Variants in NUP62CL observed in about 807,000 individuals in gnomAD.
NUP62CL encodes nucleoporin-62 C-terminal-like protein.
Under a neutral mutation model 15.3 loss-of-function variants are expected in NUP62CL, and 13 were observed. That is an observed-to-expected ratio of 0.85 (90% confidence interval 0.55 to 1.35). NUP62CL has a LOEUF of 1.35. Ranked by LOEUF, NUP62CL falls within the 40% of genes most tolerant of loss-of-function variation. NUP62CL has a pLI of 0.00. For missense variants in NUP62CL, 123 were observed against 130.6 expected (o/e 0.94, Z 0.28); for synonymous variants, 54 against 49.2 (o/e 1.10, Z -0.41).
intron 8 of NUP62CL, among the ~76,000 whole-genome samples, chrX:107,138,086 A>T (rs1925682517): frequency 9.0e-6 from 1 of 111,717 alleles, no homozygotes; most frequent in African/African-American, 3.3e-5. Context: ...TACTTTTTCA[A>T]AAATGGTGCT....
At chrX:107,176,242 G>C (rs1480471817) in intron 2 of NUP62CL, among the ~76,000 whole-genome samples, 2 of 111,458 alleles carry the variant, frequency 1.8e-5, no homozygotes, top group Admixed American at 9.5e-5. Flanking sequence ...GAGGCAGGGA[G>C]CTTTATGAGA....
chrX:107,128,875 A>C lies in NUP62CL; in HGVS notation c.*43-4543T>G, dbSNP rs760204884. Among the ~76,000 whole-genome samples, 4 of 112,324 alleles carry C rather than the reference A, an allele frequency of 3.6e-5. No individual in the cohort carries two copies. The South Asian group carries it at 1.5e-3, about 42-fold the overall frequency. On this transcript the variant is annotated intron_variant, in intron 8 of 8. Transcript: ENST00000372466. ...TACTTTGTATATTATGCAAAGAATC[A>C]AATTTATCATTGGACAATGGGAACT...
intron 2 of NUP62CL, among the ~76,000 whole-genome samples, chrX:107,176,889 T>C (rs1406853238): frequency 1.8e-5 from 2 of 111,259 alleles, no homozygotes; most frequent in African/African-American, 6.5e-5. Flanking sequence ...GACTAAATAC[T>C]TTCCCACTAC....
In NUP62CL at chrX:107,161,822, A is replaced by T. The variant is rs185191776; in HGVS notation, c.194+5827T>A. ...ATAGTAATAATAATAAAAAAAATTT[A>T]AAAAAAATGAAAAAAAAATTACCTA... On this transcript the variant is annotated intron_variant, in intron 4 of 8. Coordinates refer to ENST00000372466, the MANE Select transcript of NUP62CL (RefSeq NM_017681.3). Among the ~76,000 whole-genome samples, 470 of 81,607 alleles carry T rather than the reference A, an allele frequency of 5.8e-3. 5 individuals carry two copies. Among genetic ancestry groups the T allele is most frequent in the African/African-American group, 0.029 (411 of 14,377 alleles). The allele number at this position is 81,607 out of a possible 115,157, so 70.9% of individuals were successfully genotyped here. A position where few individuals can be genotyped will look rare whatever the true frequency, so the allele number is the denominator to read the frequency against.
chrX:107,174,335 T>G (rs1453752649), intron 3 of NUP62CL, among the ~76,000 whole-genome samples: 1 of 108,453 alleles, frequency 9.2e-6, no homozygotes, highest in Non-Finnish European at 1.9e-5. Flanking sequence ...TATTTTTTTG[T>G]AGAGACAGGG....
At chrX:107,183,132 G>A (rs1385962943) in intron 2 of NUP62CL, among the ~76,000 whole-genome samples, 1 of 111,924 alleles carries the variant, frequency 8.9e-6, no homozygotes, top group East Asian at 2.8e-4. Context: ...GTTTGAGGCT[G>A]CAGTAAGCTG....
At chrX:107,131,831 A>T in intron 8 of NUP62CL, 1 of 1,092,069 alleles carries the variant, frequency 9.2e-7, no homozygotes, top group South Asian at 1.8e-5. Flanking sequence ...GGGGAGTATG[A>T]AGACACTCTT....
At chrX:107,166,311 G>A (rs1300559512) in intron 4 of NUP62CL, among the ~76,000 whole-genome samples, 2 of 111,867 alleles carry the variant, frequency 1.8e-5, no homozygotes, top group South Asian at 7.4e-4. Flanking sequence ...GTGAAAAGAC[G>A]TTCAACATCA....
At chrX:107,143,886 C>CTT (rs1302583781) in intron 8 of NUP62CL, among the ~76,000 whole-genome samples, 1 of 111,660 alleles carries the variant, frequency 9.0e-6, no homozygotes, top group Non-Finnish European at 1.9e-5. Context: ...AACAACCTCT[C>CTT]TTAAGACAGC....
intron 2 of NUP62CL, among the ~76,000 whole-genome samples, chrX:107,176,056 C>T (rs1346642897): frequency 4.5e-5 from 5 of 111,614 alleles, no homozygotes; most frequent in Non-Finnish European, 9.4e-5. Flanking sequence ...TGCTACTGCT[C>T]AGTACCCAAA....
At chrX:107,175,663 C>T (rs765520473) in intron 2 of NUP62CL, among the ~76,000 whole-genome samples, 1 of 111,839 alleles carries the variant, frequency 8.9e-6, no homozygotes, top group Non-Finnish European at 1.9e-5. Context: ...CAGTCAATGG[C>T]ATATGAGCCA....
rs1323982245 is a variant in NUP62CL at position 107,157,068 on chromosome X, A to C, written c.195-2822T>G. ...ATGAATGAAATGAAGCGAGAAGGGA[A>C]GTTTAGAGAAAAAAGAATAAAAAGA... is the stretch of plus-strand genomic sequence containing the variant. On this transcript the variant is annotated intron_variant, in intron 4 of 8. Transcript: ENST00000372466. Among the ~76,000 whole-genome samples the C allele has an allele frequency of 3.2e-4, 34 of 105,100 alleles. No homozygotes were observed. In the South Asian group the frequency reaches 0.015, roughly 47 times the overall value. The allele number at this position is 105,100 out of a possible 115,157, so 91.3% of individuals were successfully genotyped here.
chrX:107,189,898 A>AAAGAAAGG (rs1254306746), intron 2 of NUP62CL, among the ~76,000 whole-genome samples: 4 of 98,049 alleles, frequency 4.1e-5, no homozygotes, highest in African/African-American at 1.6e-4. Context: ...AGAAAGAAAG[A>AAAGAAAGG]AAGAAAGAAA....
chrX:107,152,495 A>T (rs1926069459), intron 7 of NUP62CL, among the ~76,000 whole-genome samples: 1 of 110,803 alleles, frequency 9.0e-6, no homozygotes, highest in Non-Finnish European at 1.9e-5. Context: ...TCATTGATAA[A>T]ATGTGTCCAA....
At chrX:107,140,156 A>C (rs775198824) in intron 8 of NUP62CL, among the ~76,000 whole-genome samples, 12 of 111,778 alleles carry the variant, frequency 1.1e-4, no homozygotes, top group Non-Finnish European at 2.1e-4. Context: ...TGTAAAAAGA[A>C]AAGATGGTGA....
At chrX:107,135,303 A>G (rs775873130) in intron 8 of NUP62CL, among the ~76,000 whole-genome samples, 24 of 112,182 alleles carry the variant, frequency 2.1e-4, no homozygotes, top group Non-Finnish European at 4.3e-4. Flanking sequence ...AAAGAAAATA[A>G]CAAGTGCTTA....
chrX:107,125,471 A>G (rs1180845583), intron 8 of NUP62CL, among the ~76,000 whole-genome samples: 2 of 110,733 alleles, frequency 1.8e-5, no homozygotes, highest in African/African-American at 6.6e-5. Flanking sequence ...TCTTCACCCA[A>G]TCAGAAAAAC....
intron 7 of NUP62CL, chrX:107,150,892 C>T (rs1385608476): frequency 2.9e-6 from 1 of 342,657 alleles, no homozygotes; most frequent in South Asian, 2.6e-5. Flanking sequence ...CAAATGTATT[C>T]AGGTGATTAA....
At chrX:107,191,839 T>C (rs1279710644) in intron 2 of NUP62CL, among the ~76,000 whole-genome samples, 2 of 112,347 alleles carry the variant, frequency 1.8e-5, no homozygotes, top group Admixed American at 9.4e-5. Context: ...ATTTTTTATC[T>C]TTTTTTCCAC....
Sources: allele counts gnomAD v4.1 joint callset (sites outside exome capture counted in the v4.1 genomes callset), GRCh38; gene constraint gnomAD v4.1.1; transcripts MANE v1.5; gene names NCBI Gene and HGNC (gene_info 2026-07-23, HGNC 2026-07-21).